NUP214: variants seen among roughly 807,000 people sequenced by gnomAD.
NUP214 encodes nucleoporin 214, also known as nuclear pore complex protein Nup214.
In NUP214, 79 loss-of-function variants were observed where a neutral mutation model predicts 196.2. The observed-to-expected ratio is 0.40, with a 90% CI of 0.34 to 0.49. The LOEUF (loss-of-function observed/expected upper bound fraction) is 0.49, where lower values mean the gene tolerates loss of function less well. NUP214 is among the 20% of genes least tolerant of loss of function. The probability of loss-of-function intolerance (pLI) is 0.58; values close to 1 mark genes in which losing one functional copy is unlikely to be tolerated. For synonymous variants in NUP214, 1,020 were observed against 990.5 expected (o/e 1.03, Z -0.56); for missense variants, 2,468 against 2,539.0 (o/e 0.97, Z 0.60).
intron 30 of NUP214, among the ~76,000 whole-genome samples, chr9:131,208,822 C>G (rs1464460316): frequency 6.7e-6 from 1 of 150,284 alleles, no homozygotes; most frequent in Admixed American, 6.6e-5. Flanking sequence ...GGAGACCATC[C>G]TGGCCAACAT....
chr9:131,150,035 G>A, intron 14 of NUP214: 1 of 240,414 alleles, frequency 4.2e-6, no homozygotes, highest in Non-Finnish European at 8.3e-6. Flanking sequence ...ATGTTTCCCT[G>A]TTTGTTCTCC....
At chr9:131,156,461 G>A (rs990507173) in intron 17 of NUP214, among the ~76,000 whole-genome samples, 16 of 151,712 alleles carry the variant, frequency 1.1e-4, no homozygotes, top group Admixed American at 3.3e-4. Context: ...ATTTGTTTGT[G>A]TCGTTTCCAT....
chr9:131,125,887 G>A lies in NUP214; in HGVS notation c.45+138G>A. 2.1e-6 allele frequency: 2 copies of A among 972,312 alleles called. No homozygotes were observed. Among genetic ancestry groups the A allele is most frequent in the Non-Finnish European group, 3.0e-6 (2 of 658,936 alleles). 60.2% of individuals were successfully genotyped at this position (972,312 alleles called of 1,614,324 possible). On this transcript the variant is annotated intron_variant, in intron 1 of 35. Coordinates refer to ENST00000359428, the MANE Select transcript of NUP214 (RefSeq NM_005085.4). This position sits in a 1 kb window ranked among gnomAD's most constrained non-coding sequence, Gnocchi z 4.1. The stretch of plus-strand genomic sequence containing the variant: ...CCGCGTTCACAGCTCTCACCAGCGC[G>A]TCTGCCGCGCCGCTGGCGTGATAGC...
At chr9:131,211,992 C>T (rs1210372123) in intron 30 of NUP214, among the ~76,000 whole-genome samples, 1 of 152,106 alleles carries the variant, frequency 6.6e-6, no homozygotes, top group South Asian at 2.1e-4. Flanking sequence ...CTTACAAAAC[C>T]GAATAGGAGA....
At chr9:131,209,724 T>G (rs561879735) in intron 30 of NUP214, among the ~76,000 whole-genome samples, 2 of 152,204 alleles carry the variant, frequency 1.3e-5, no homozygotes, top group Non-Finnish European at 2.9e-5. Context: ...AAAACTCAGA[T>G]TGGGATCTGA....
chr9:131,175,870 G>GTTT, intron 23 of NUP214: 5 of 373,826 alleles, frequency 1.3e-5, no homozygotes, highest in Middle Eastern at 7.5e-4. Context: ...AGTGGGGTTT[G>GTTT]TTTTTTTTTT....
At chr9:131,197,163 T>C in intron 28 of NUP214, 53 bp from the exon 29 acceptor site, 1 of 1,586,254 alleles carries the variant, frequency 6.3e-7, no homozygotes, top group Non-Finnish European at 8.6e-7. Flanking sequence ...GGAAATGTAA[T>C]GGGTCATCTT....
In NUP214 at chr9:131,223,727, A is replaced by ATTTATTTTATTTTTTTTT; in HGVS notation, c.5902+800_5902+801insATTTTATTTTTTTTTTTT. 1.3e-4 allele frequency among the ~76,000 whole-genome samples: 2 copies of ATTTATTTTATTTTTTTTT among 15,642 alleles called. 1 individual carries two copies. The highest frequency in any genetic ancestry group is 2.7e-3 in the Admixed American group (2 of 736). 10.3% of individuals were successfully genotyped at this position (15,642 alleles called of 152,430 possible). A position where few individuals can be genotyped will look rare whatever the true frequency, so the allele number is the denominator to read the frequency against. On this transcript the variant is annotated intron_variant, in intron 32 of 35. Coordinates refer to ENST00000359428, the MANE Select transcript of NUP214 (RefSeq NM_005085.4). ...TTTTTTTATTTTTATTTATTTATTT[A>ATTTATTTTATTTTTTTTT]TTTTTTTTTTTTTTTTTTTTTTTTT...
chr9:131,221,473 A>G (rs1001142457), intron 31 of NUP214, among the ~76,000 whole-genome samples: 3 of 152,180 alleles, frequency 2.0e-5, no homozygotes, highest in Non-Finnish European at 4.4e-5. Flanking sequence ...CGTATTAACC[A>G]TGGTGGCTCT....
intron 29 of NUP214, among the ~76,000 whole-genome samples, chr9:131,199,323 A>C (rs1833883370): frequency 6.6e-6 from 1 of 152,198 alleles, no homozygotes; most frequent in Non-Finnish European, 1.5e-5. Context: ...TAATTTAATG[A>C]ACAATAAATA....
chr9:131,228,095 T>A, intron 32 of NUP214, 65 bp from the exon 33 acceptor site: 1 of 1,423,922 alleles, frequency 7.0e-7, no homozygotes, highest in Non-Finnish European at 9.3e-7. Flanking sequence ...TTGCTCAATG[T>A]CTTCTCTTCC....
intron 14 of NUP214, among the ~76,000 whole-genome samples, chr9:131,147,819 A>T (rs764227636): frequency 1.3e-5 from 2 of 152,240 alleles, no homozygotes; most frequent in South Asian, 2.1e-4. Flanking sequence ...TACACATGAT[A>T]CATGTACAGC....
Position 131,234,068 on chromosome 9 carries a change from A to G in NUP214, c.*581A>G, listed in dbSNP as rs1425786671. ...CAGCAGTTGAGTTTCAGAAGCAGCCATAGCGCTTTTCAGTACAGTACAATA... is the reference window on the plus strand; with the variant it reads ...CAGCAGTTGAGTTTCAGAAGCAGCCGTAGCGCTTTTCAGTACAGTACAATA... On this transcript the variant is annotated 3_prime_UTR_variant, in exon 36 of 36. Coordinates refer to ENST00000359428, the MANE Select transcript of NUP214 (RefSeq NM_005085.4). 7 of 254,812 alleles carry G rather than the reference A, an allele frequency of 2.7e-5. No individual in the cohort carries two copies. The highest frequency in any genetic ancestry group is 3.8e-5 in the Non-Finnish European group (5 of 131,098). 15.8% of individuals were successfully genotyped at this position (254,812 alleles called of 1,614,324 possible).
In NUP214 at chr9:131,151,865, C is replaced by G; in HGVS notation, c.2407C>G (p.Leu803Val). ...GYLHLLYKRP[L>V]DPKSEAQLQE... ...TCTGCATTTGCTTTATAAAAGACCA[C>G]TGGATCCCAAGAGTGAAGCTCAGCT... The change falls in exon 17 of 36, where the codon CTG (leucine) becomes GTG (valine). Residue 803 changes from leucine (L) to valine (V), a missense_variant. Leu to Val is a conservative substitution (Grantham distance 32). Coordinates refer to ENST00000359428, the MANE Select transcript of NUP214 (RefSeq NM_005085.4). The G allele has an allele frequency of 6.2e-7, 1 of 1,612,386 alleles. No homozygotes were observed. The highest frequency in any genetic ancestry group is 8.5e-7 in the Non-Finnish European group (1 of 1,179,600).
chr9:131,218,603 T>A (rs1183856654), intron 31 of NUP214, among the ~76,000 whole-genome samples: 1 of 151,606 alleles, frequency 6.6e-6, no homozygotes, highest in Non-Finnish European at 1.5e-5. Context: ...CATTTTGCTA[T>A]GGGGCATTCC....
At chr9:131,147,406 T>C in intron 13 of NUP214, 84 bp from the exon 14 acceptor site, 1 of 1,044,334 alleles carries the variant, frequency 9.6e-7, no homozygotes, top group Non-Finnish European at 1.4e-6. Context: ...ACTTAATTTC[T>C]TAGATTTGGA....
intron 32 of NUP214, among the ~76,000 whole-genome samples, chr9:131,223,711 T>TTTTATTTATTTATTTA (rs1371826550): frequency 0.031 from 832 of 27,066 alleles, 84 homozygotes; most frequent in East Asian, 0.076. Context: ...TTTTTTTTAT[T>TTTTATTTATTTATTTA]TTTATTTATT....
At chr9:131,133,827 T>G (rs1831634591) in intron 7 of NUP214, 1 of 152,258 alleles carries the variant, frequency 6.6e-6, no homozygotes, top group South Asian at 2.1e-4. Flanking sequence ...TAAAATTATT[T>G]CATTTGCTCT....
intron 20 of NUP214, 35 bp from the exon 21 acceptor site, chr9:131,164,026 T>C: frequency 6.2e-7 from 1 of 1,613,412 alleles, no homozygotes; most frequent in South Asian, 1.1e-5. Flanking sequence ...AAAAACTGAG[T>C]CTTAATCATT....
Sources: gnomAD v4.1 joint callset for allele counts (sites outside exome capture counted in the v4.1 genomes callset) on GRCh38, gnomAD v4.1.1 for gene constraint, Gnocchi (gnomAD v3.1) non-coding constraint, MANE v1.5 for transcripts, NCBI Gene and HGNC (gene_info 2026-07-23, HGNC 2026-07-21) for gene names.